The following ADAM12 variants were observed in gnomAD, a reference collection of about 807,000 sequenced individuals.
The protein encoded by ADAM12 is disintegrin and metalloproteinase domain-containing protein 12.
Under a neutral mutation model 106.4 loss-of-function variants are expected in ADAM12, and 70 were observed. The observed-to-expected ratio is 0.66, with a 90% CI of 0.54 to 0.80. ADAM12 has a LOEUF of 0.80. Among genes scored for constraint, ADAM12 ranks in the 30% least tolerant of loss-of-function variants. The pLI, the probability that ADAM12 is intolerant of heterozygous loss-of-function variation, is 0.00. For synonymous variants in ADAM12, 420 were observed against 433.5 expected (o/e 0.97, Z 0.39); for missense variants, 1,010 against 1,171.9 (o/e 0.86, Z 2.02).
At chr10:126,120,264 G>A (rs976222411) in intron 5 of ADAM12, among the ~76,000 whole-genome samples, 1 of 152,178 alleles carries the variant, frequency 6.6e-6, no homozygotes, top group Non-Finnish European at 1.5e-5. Context: ...GGGAGAAAAG[G>A]CATACAATTT....
chr10:126,356,464 G>A (rs539574761), intron 1 of ADAM12, among the ~76,000 whole-genome samples: 6 of 152,288 alleles, frequency 3.9e-5, no homozygotes, highest in South Asian at 2.1e-4. Flanking sequence ...TGGCCCATCC[G>A]GAATCACAGG....
chr10:126,284,832 A>T (rs1313111132), intron 2 of ADAM12, among the ~76,000 whole-genome samples: 1 of 151,882 alleles, frequency 6.6e-6, no homozygotes, highest in African/African-American at 2.4e-5. Flanking sequence ...ATTTTGTTTT[A>T]TTTGTTCACT....
At chr10:126,256,211 A>C (rs1958889650) in intron 3 of ADAM12, among the ~76,000 whole-genome samples, 1 of 152,176 alleles carries the variant, frequency 6.6e-6, no homozygotes, top group Non-Finnish European at 1.5e-5. Flanking sequence ...TTGGTCTAAG[A>C]TCTACCAATC....
chr10:126,078,628 C>T (rs1955149454), intron 11 of ADAM12, among the ~76,000 whole-genome samples: 1 of 152,126 alleles, frequency 6.6e-6, no homozygotes, highest in Non-Finnish European at 1.5e-5. Context: ...ATTTTTTTGG[C>T]ATAACTATTT....
chr10:126,318,541 C>T (rs2133829592), intron 2 of ADAM12, among the ~76,000 whole-genome samples: 1 of 152,022 alleles, frequency 6.6e-6, no homozygotes, highest in Admixed American at 6.6e-5. Context: ...CACTTTCACA[C>T]ACACTCAAAC....
intron 5 of ADAM12, among the ~76,000 whole-genome samples, chr10:126,129,891 G>A (rs537588122): frequency 2.0e-5 from 3 of 151,976 alleles, no homozygotes; most frequent in Admixed American, 6.6e-5. Context: ...TGTGCTTTCC[G>A]CTTCAAGCTT....
intron 3 of ADAM12, among the ~76,000 whole-genome samples, chr10:126,204,293 C>T (rs1435594157): frequency 6.6e-6 from 1 of 152,196 alleles, no homozygotes; most frequent in African/African-American, 2.4e-5. Flanking sequence ...CTCCATTAGA[C>T]ATTGTTGGGT....
chr10:126,205,924 A>C (rs1957786559), intron 3 of ADAM12, among the ~76,000 whole-genome samples: 1 of 152,240 alleles, frequency 6.6e-6, no homozygotes, highest in Admixed American at 6.5e-5. Context: ...TATCTGAATA[A>C]ATTCTAATAA....
At chr10:126,298,625 A>G (rs1960481316) in intron 2 of ADAM12, among the ~76,000 whole-genome samples, 1 of 152,182 alleles carries the variant, frequency 6.6e-6, no homozygotes, top group Admixed American at 6.5e-5. Flanking sequence ...AGAAAATAAG[A>G]ATTTTTCAAA....
chr10:126,115,936 G>A (rs778501931), intron 6 of ADAM12, among the ~76,000 whole-genome samples: 1 of 152,184 alleles, frequency 6.6e-6, no homozygotes, highest in Non-Finnish European at 1.5e-5. Context: ...AGTCCAGGAT[G>A]CTTTCTCTTC....
At chr10:126,309,017 C>G (rs1263012570) in intron 2 of ADAM12, among the ~76,000 whole-genome samples, 1 of 152,144 alleles carries the variant, frequency 6.6e-6, no homozygotes, top group Non-Finnish European at 1.5e-5. Flanking sequence ...ATCCCAGAAC[C>G]CAGAGTTATT....
intron 3 of ADAM12, among the ~76,000 whole-genome samples, chr10:126,167,146 C>T (rs1957039222): frequency 6.6e-6 from 1 of 152,200 alleles, no homozygotes; most frequent in Non-Finnish European, 1.5e-5. Flanking sequence ...TTCATTTGAG[C>T]TCCTCCTAAG....
chr10:126,207,553 T>G (rs1957819916), intron 3 of ADAM12, among the ~76,000 whole-genome samples: 1 of 152,258 alleles, frequency 6.6e-6, no homozygotes, highest in Non-Finnish European at 1.5e-5. Context: ...TATTGAAGAC[T>G]CTGCCCAGGA....
At chr10:126,099,255 C>T (rs752167801) in intron 9 of ADAM12, among the ~76,000 whole-genome samples, 5 of 152,184 alleles carry the variant, frequency 3.3e-5, no homozygotes, top group Non-Finnish European at 7.3e-5. Context: ...CTTACCAATG[C>T]TATCTTGGCC....
intron 3 of ADAM12, among the ~76,000 whole-genome samples, chr10:126,170,458 C>T (rs1325681890): frequency 6.6e-6 from 1 of 151,410 alleles, no homozygotes; most frequent in Non-Finnish European, 1.5e-5. Context: ...GGGGGAGTCC[C>T]TGTGTGTGAA....
rs1455783513 is a variant in ADAM12 at position 126,064,733 on chromosome 10, G to A, written c.1609+73C>T. On this transcript the variant is annotated intron_variant, in intron 14 of 22. Coordinates refer to ENST00000448723, the MANE Select transcript of ADAM12 (RefSeq NM_001288973.2). This position sits in a 1 kb window ranked among gnomAD's most constrained non-coding sequence, Gnocchi z 4.4. ...AGGAGTGGGGGCTAACCAAAACAGA[G>A]CACATGCCCCCAGTCCCACAGCCCA... 4.8e-6 allele frequency: 7 copies of A among 1,465,522 alleles called. No homozygotes were observed. Among genetic ancestry groups the A allele is most frequent in the Non-Finnish European group, 6.4e-6 (7 of 1,091,002 alleles). The allele number at this position is 1,465,522 out of a possible 1,614,324, so 90.8% of individuals were successfully genotyped here.
intron 21 of ADAM12, among the ~76,000 whole-genome samples, chr10:126,033,227 C>T (rs539701868): frequency 2.0e-5 from 3 of 152,086 alleles, no homozygotes; most frequent in Non-Finnish European, 2.9e-5. Flanking sequence ...AAGTTTTATA[C>T]CAGAGAAATC....
intron 3 of ADAM12, among the ~76,000 whole-genome samples, chr10:126,170,728 A>G (rs145597458): frequency 1.8e-3 from 269 of 152,342 alleles, no homozygotes; most frequent in African/African-American, 6.1e-3. Flanking sequence ...TGGGTTCTTT[A>G]TATGAAGTAG....
At chr10:126,387,708 G>C (rs765652954) in intron 1 of ADAM12, among the ~76,000 whole-genome samples, 63 of 152,126 alleles carry the variant, frequency 4.1e-4, no homozygotes, top group Non-Finnish European at 7.6e-4. Context: ...GGGCCAGCAA[G>C]AGGACCCGAC....
Sources: gnomAD v4.1 joint callset for allele counts (sites outside exome capture counted in the v4.1 genomes callset) on GRCh38, gnomAD v4.1.1 for gene constraint, Gnocchi (gnomAD v3.1) non-coding constraint, MANE v1.5 for transcripts, NCBI Gene and HGNC (gene_info 2026-07-23, HGNC 2026-07-21) for gene names.